Variants in IMPG1 observed in about 807,000 individuals in gnomAD.
IMPG1 encodes the protein interphotoreceptor matrix proteoglycan of 150 kDa.
IMPG1 carries 85 observed loss-of-function variants against 92.0 expected under a neutral mutation model. The ratio of observed to expected loss-of-function variants is 0.92; its 90% CI spans 0.78 to 1.11. The LOEUF (loss-of-function observed/expected upper bound fraction) is 1.11. Ranked by LOEUF, IMPG1 falls within the 50% of genes least tolerant of loss-of-function variation. IMPG1 has a pLI of 0.00. For synonymous variants in IMPG1, 367 were observed against 334.1 expected (o/e 1.10, Z -1.08); for missense variants, 1,022 against 956.0 (o/e 1.07, Z -0.91).
intron 7 of IMPG1, among the ~76,000 whole-genome samples, chr6:76,014,473 T>G (rs948824350): frequency 7.2e-5 from 11 of 152,188 alleles, no homozygotes; most frequent in African/African-American, 2.7e-4. Flanking sequence ...TCTGCAAAGC[T>G]AGTCTTTATT....
In IMPG1 at chr6:75,951,070, A is replaced by T; in HGVS notation, c.1316T>A (p.Met439Lys). The stretch of plus-strand genomic sequence containing the variant: ...AGCTTCTGACAGGGAGGTAGAGGCC[A>T]TAGCAGGTGGAGACCAAGAAGTGTC... ...LPDTSWSPPA[M>K]ASTSLSEAPP... Residue 439 changes from methionine to lysine, a missense_variant, in exon 13 of 17, where the codon ATG becomes AAG. By Grantham distance (95) the Met-to-Lys change is moderately conservative (BLOSUM62 -1). Transcript: ENST00000369950. 1 of 1,612,302 alleles carries T rather than the reference A, an allele frequency of 6.2e-7. No individual in the cohort carries two copies. The highest frequency in any genetic ancestry group is 8.5e-7 in the Non-Finnish European group (1 of 1,179,040).
intron 12 of IMPG1, among the ~76,000 whole-genome samples, chr6:76,002,179 C>T (rs532043356): frequency 1.3e-5 from 2 of 152,200 alleles, no homozygotes; most frequent in South Asian, 4.1e-4. Flanking sequence ...TACCACAGGG[C>T]TCTATAGAGT....
chr6:75,971,032 G>A (rs982571150), intron 12 of IMPG1, among the ~76,000 whole-genome samples: 1 of 152,002 alleles, frequency 6.6e-6, no homozygotes, highest in East Asian at 1.9e-4. Context: ...TGTTTATTGC[G>A]GCACTATTCA....
At chr6:76,017,897 C>T (rs576339690) in intron 7 of IMPG1, among the ~76,000 whole-genome samples, 121 of 152,240 alleles carry the variant, frequency 7.9e-4, no homozygotes, top group African/African-American at 2.6e-3. Context: ...GGATTACAGG[C>T]GCCCACCACC....
rs370086176 is a variant in IMPG1 at position 75,972,749 on chromosome 6, AAATC to A, written c.1292-21659_1292-21656del. 3.8e-4 allele frequency among the ~76,000 whole-genome samples: 58 copies of A among 152,324 alleles called. 1 individual carries two copies. The highest frequency in any genetic ancestry group is 1.3e-3 in the African/African-American group (53 of 41,576). On this transcript the variant is annotated intron_variant, in intron 12 of 16. Coordinates refer to ENST00000369950, the MANE Select transcript of IMPG1 (RefSeq NM_001563.4). The stretch of plus-strand genomic sequence containing the variant: ...CATATCCATTCTTCAGTCATTCTTT[AAATC>A]AATCAATTTTCAAACATTTATTGAA...
chr6:76,059,706 A>G (rs765170477), intron 1 of IMPG1, among the ~76,000 whole-genome samples: 1 of 152,198 alleles, frequency 6.6e-6, no homozygotes, highest in Non-Finnish European at 1.5e-5. Flanking sequence ...CTCACCTCAA[A>G]TGATTTCAGA....
At chr6:75,977,818 C>T (rs891088441) in intron 12 of IMPG1, among the ~76,000 whole-genome samples, 2 of 152,206 alleles carry the variant, frequency 1.3e-5, no homozygotes, top group Admixed American at 1.3e-4. Context: ...CTTCATGGTA[C>T]ACTCATTAAA....
chr6:76,017,845 C>T (rs1020931400), intron 7 of IMPG1, among the ~76,000 whole-genome samples: 4 of 152,196 alleles, frequency 2.6e-5, no homozygotes, highest in East Asian at 1.9e-4. Flanking sequence ...CTCTGCCCCC[C>T]GGGTTCAAGC....
intron 14 of IMPG1, among the ~76,000 whole-genome samples, chr6:75,939,185 T>TTTTTC (rs532002408): frequency 2.0e-5 from 3 of 151,634 alleles, no homozygotes; most frequent in Non-Finnish European, 3.0e-5. Flanking sequence ...CTCAACTTCC[T>TTTTTC]TTTTCTTTTC....
intron 1 of IMPG1, among the ~76,000 whole-genome samples, chr6:76,042,719 G>A (rs958948624): frequency 6.6e-6 from 1 of 152,104 alleles, no homozygotes; most frequent in Non-Finnish European, 1.5e-5. Flanking sequence ...AGGATGGTGA[G>A]AGGAAGGATA....
At chr6:76,026,607 C>T (rs1346176819) in intron 4 of IMPG1, among the ~76,000 whole-genome samples, 1 of 152,236 alleles carries the variant, frequency 6.6e-6, no homozygotes, top group African/African-American at 2.4e-5. Flanking sequence ...CTTCTGCTTC[C>T]CTGGACAAAG....
At position 76,006,391 on chromosome 6, in the gene IMPG1, A is replaced by G. The variant is rs912117689; in HGVS notation, c.888-857T>C. Among the ~76,000 whole-genome samples the G allele has an allele frequency of 2.0e-5, 3 of 148,270 alleles. No homozygotes were observed. In the Admixed American group the frequency reaches 2.0e-4, roughly 10 times the overall value. ...ATATACACATATATGTAAAATATATATATATAGTATATATATGTAAAAAAA... is the reference window on the plus strand; with the variant it reads ...ATATACACATATATGTAAAATATATGTATATAGTATATATATGTAAAAAAA... On this transcript the variant is annotated intron_variant, in intron 9 of 16. Transcript: ENST00000369950.
intron 1 of IMPG1, among the ~76,000 whole-genome samples, chr6:76,069,470 A>G (rs1327012637): frequency 6.6e-6 from 1 of 152,184 alleles, no homozygotes; most frequent in East Asian, 1.9e-4. Context: ...TTGGCAAATT[A>G]TGTACCTAAC....
intron 2 of IMPG1, among the ~76,000 whole-genome samples, chr6:76,039,356 GT>G (rs34625575): frequency 0.5 from 66,578 of 133,380 alleles, 16,390 homozygotes; most frequent in South Asian, 0.59. Flanking sequence ...AGATCTAGCT[GT>G]TTTTTTTTTT....
rs75286257 is a variant in IMPG1 at position 75,926,962 on chromosome 6, C to T, written c.2244-3256G>A. Among the ~76,000 whole-genome samples, 1,118 of 152,308 alleles carry T rather than the reference C, an allele frequency of 7.3e-3. 11 individuals carry two copies. The highest frequency in any genetic ancestry group is 0.026 in the African/African-American group (1,064 of 41,560). On this transcript the variant is annotated intron_variant, in intron 15 of 16. Transcript: ENST00000369950. ...GTCTTCTCAGGAGGGCACCTGCCTT[C>T]AGTATCATTTCCCTATCTCATCACT...
chr6:75,930,906 G>GT lies in IMPG1; in HGVS notation c.2243+46dup, dbSNP rs754526402. On this transcript the variant is annotated intron_variant, in intron 15 of 16. Coordinates refer to ENST00000369950, the MANE Select transcript of IMPG1 (RefSeq NM_001563.4). ...CTCTAATGATGGGTTTCTCAGAAGTGTAAGTAATGAGTTCTTGAGTCTGTG... is the reference window on the plus strand; with the variant it reads ...CTCTAATGATGGGTTTCTCAGAAGTGTTAAGTAATGAGTTCTTGAGTCTGTG... 9 of 1,501,138 alleles carry GT rather than the reference G, an allele frequency of 6.0e-6. No homozygotes were observed. The African/African-American group carries it at 9.7e-5, about 16-fold the overall frequency. The allele number at this position is 1,501,138 out of a possible 1,614,324, so 93.0% of individuals were successfully genotyped here. A position where few individuals can be genotyped will look rare whatever the true frequency, so the allele number is the denominator to read the frequency against.
chr6:75,936,918 G>A (rs1254211569), intron 14 of IMPG1, among the ~76,000 whole-genome samples: 2 of 152,198 alleles, frequency 1.3e-5, no homozygotes, highest in Non-Finnish European at 2.9e-5. Flanking sequence ...TTTTAAGGAA[G>A]CTCCATGCAG....
chr6:76,018,863 G>T lies in IMPG1; in HGVS notation c.667-5C>A. 3 of 1,512,816 alleles carry T rather than the reference G, an allele frequency of 2.0e-6. No individual in the cohort carries two copies. The highest frequency in any genetic ancestry group is 2.7e-6 in the Non-Finnish European group (3 of 1,128,050). The allele number at this position is 1,512,816 out of a possible 1,614,324, so 93.7% of individuals were successfully genotyped here. A position where few individuals can be genotyped will look rare whatever the true frequency, so the allele number is the denominator to read the frequency against. On this transcript the variant is annotated splice_polypyrimidine_tract_variant and splice_region_variant and intron_variant, in intron 6 of 16. Coordinates refer to ENST00000369950, the MANE Select transcript of IMPG1 (RefSeq NM_001563.4). ...AGCGAATTCTGTTTCTCTTTCCTGA[G>T]TTTAAAAAAAAAAAAAAGGACTTCT...
chr6:75,999,871 A>G (rs1393402169), intron 12 of IMPG1, among the ~76,000 whole-genome samples: 1 of 152,236 alleles, frequency 6.6e-6, no homozygotes, highest in East Asian at 1.9e-4. Flanking sequence ...TGCAAAATCA[A>G]TTCTTGAATT....
Sources: allele counts gnomAD v4.1 joint callset (sites outside exome capture counted in the v4.1 genomes callset), GRCh38; gene constraint gnomAD v4.1.1; transcripts MANE v1.5; gene names NCBI Gene and HGNC (gene_info 2026-07-23, HGNC 2026-07-21).